Variants in AGPAT4 observed in about 807,000 individuals in gnomAD.
The protein encoded by AGPAT4 is 1-acyl-sn-glycerol-3-phosphate acyltransferase delta.
AGPAT4 carries 15 observed loss-of-function variants against 48.0 expected under a neutral mutation model. The ratio of observed to expected loss-of-function variants is 0.31; its 90% CI spans 0.21 to 0.48. The LOEUF (loss-of-function observed/expected upper bound fraction) is 0.48, where lower values mean the gene tolerates loss of function less well. Among genes scored for constraint, AGPAT4 ranks in the 20% least tolerant of loss-of-function variants. The pLI is 0.99. For missense variants in AGPAT4, 314 were observed against 482.5 expected (o/e 0.65, Z 3.27); for synonymous variants, 178 against 198.7 (o/e 0.90, Z 0.88).
In AGPAT4 at chr6:161,215,056, T is replaced by C. The variant is rs1004348594; in HGVS notation, c.178+16980A>G. ...TTTTCTTTGGTAGGACTACAAGCTA[T>C]GTTTTTTATGTGACATTTTAAATAC... On this transcript the variant is annotated intron_variant, in intron 2 of 8. Transcript: ENST00000320285. The surrounding 1 kb of genome is among the most constrained non-coding windows in gnomAD (Gnocchi z 4.5). 3.3e-5 allele frequency among the ~76,000 whole-genome samples: 5 copies of C among 152,222 alleles called. No homozygotes were observed. The highest frequency in any genetic ancestry group is 5.9e-5 in the Non-Finnish European group (4 of 68,024).
Position 161,161,455 on chromosome 6 carries a change from G to A in AGPAT4, c.348+4793C>T, listed in dbSNP as rs1390548663. On this transcript the variant is annotated intron_variant, in intron 3 of 8. Coordinates refer to ENST00000320285, the MANE Select transcript of AGPAT4 (RefSeq NM_020133.3). The surrounding 1 kb of genome is among the most constrained non-coding windows in gnomAD (Gnocchi z 4.6). ...TGAATGGTAAGAGGCAGAGGGTGGCGTCCCAGCCCATTCCTAGTGCAAGGT... is the reference window on the plus strand; with the variant it reads ...TGAATGGTAAGAGGCAGAGGGTGGCATCCCAGCCCATTCCTAGTGCAAGGT... 8 of 456,706 alleles carry A rather than the reference G, an allele frequency of 1.8e-5. No individual in the cohort carries two copies. The highest frequency in any genetic ancestry group is 1.4e-4 in the East Asian group (2 of 14,378). 28.3% of individuals were successfully genotyped at this position (456,706 alleles called of 1,614,324 possible). A position where few individuals can be genotyped will look rare whatever the true frequency, so the allele number is the denominator to read the frequency against.
Position 161,201,690 on chromosome 6 carries a change from G to C in AGPAT4, c.178+30346C>G, listed in dbSNP as rs1738167577. ...GATTCCCCACTTGTAGCAATTCCAG[G>C]GTGATGCTGAGGCTGACTTCAAAAG... On this transcript the variant is annotated intron_variant, in intron 2 of 8. Coordinates refer to ENST00000320285, the MANE Select transcript of AGPAT4 (RefSeq NM_020133.3). The surrounding 1 kb of genome is among the most constrained non-coding windows in gnomAD (Gnocchi z 6.0). 6.6e-6 allele frequency among the ~76,000 whole-genome samples: 1 copy of C among 152,182 alleles called. No homozygotes were observed. Among genetic ancestry groups the C allele is most frequent in the African/African-American group, 2.4e-5 (1 of 41,432 alleles).
chr6:161,258,046 C>A (rs1446113411), intron 1 of AGPAT4, among the ~76,000 whole-genome samples: 1 of 152,184 alleles, frequency 6.6e-6, no homozygotes. Context: ...TTACTTCCTA[C>A]GTTAAAACAC....
rs994147067 is a variant in AGPAT4, at chr6:161,264,803, A to T, written c.-90+9135T>A. Among the ~76,000 whole-genome samples the T allele has an allele frequency of 3.3e-5, 5 of 152,146 alleles. No homozygotes were observed. The highest frequency in any genetic ancestry group is 1.2e-4 in the African/African-American group (5 of 41,434). ...GAGAGCCTGAAAGCGAGAAGGGAGA[A>T]GCGAGATGGGAAGATAAAAGGGAGG... On this transcript the variant is annotated intron_variant, in intron 1 of 8. Coordinates refer to ENST00000320285, the MANE Select transcript of AGPAT4 (RefSeq NM_020133.3). This position sits in a 1 kb window ranked among gnomAD's most constrained non-coding sequence, Gnocchi z 6.8.
chr6:161,136,146 C>CT lies in AGPAT4; in HGVS notation c.*393dup. 1 of 200,354 alleles carries CT rather than the reference C, an allele frequency of 5.0e-6. No individual in the cohort carries two copies. Among genetic ancestry groups the CT allele is most frequent in the South Asian group, 1.0e-4 (1 of 9,962 alleles). The allele number at this position is 200,354 out of a possible 1,614,324, so 12.4% of individuals were successfully genotyped here. A position where few individuals can be genotyped will look rare whatever the true frequency, so the allele number is the denominator to read the frequency against. On this transcript the variant is annotated 3_prime_UTR_variant, in exon 9 of 9. Transcript: ENST00000320285. ...GTCATCTCACCTAAAGCACTTTTCA[C>CT]TTTATCTCTGGCAACCAAGGGTTAC...
rs3832412 is a variant in AGPAT4 at position 161,132,092 on chromosome 6, GC to G, written c.*4447del. ...ACTGGAACCTGGGCCTTCATTACGG[GC>G]TCCGGTTTTGGAGTGCAGAGGGATT... is the stretch of plus-strand genomic sequence containing the variant. On this transcript the variant is annotated 3_prime_UTR_variant, in exon 9 of 9. Transcript: ENST00000320285. 0.13 allele frequency: 20,046 copies of G among 152,224 alleles called. 1,614 individuals carry two copies. The highest frequency in any genetic ancestry group is 0.27 in the Admixed American group (4,056 of 15,270). 9.4% of individuals were successfully genotyped at this position (152,224 alleles called of 1,614,324 possible).
At position 161,154,319 on chromosome 6, in the gene AGPAT4, G is replaced by C; in HGVS notation, c.349-9C>G. ...GCCAGGACCTTGGAGCCCTGAAACA[G>C]AAGAAGGAGCCCAGGTGCCCATGAA... On this transcript the variant is annotated splice_polypyrimidine_tract_variant and intron_variant, in intron 3 of 8. Transcript: ENST00000320285. This position sits in a 1 kb window ranked among gnomAD's most constrained non-coding sequence, Gnocchi z 7.8. The C allele has an allele frequency of 6.2e-7, 1 of 1,614,046 alleles. No individual in the cohort carries two copies. Among genetic ancestry groups the C allele is most frequent in the South Asian group, 1.1e-5 (1 of 91,076 alleles).
In AGPAT4 at chr6:161,231,487, C is replaced by T. The variant is rs1782120266; in HGVS notation, c.178+549G>A. Among the ~76,000 whole-genome samples, 1 of 152,010 alleles carries T rather than the reference C, an allele frequency of 6.6e-6. No homozygotes were observed. Among genetic ancestry groups the T allele is most frequent in the South Asian group, 2.1e-4 (1 of 4,820 alleles). On this transcript the variant is annotated intron_variant, in intron 2 of 8. Transcript: ENST00000320285. This position sits in a 1 kb window ranked among gnomAD's most constrained non-coding sequence, Gnocchi z 5.3. ...GCTATTCCAGTGGTGCAAGATGCTA[C>T]CATAGGGAGAAACTGGCCAAGGAGT...
intron 2 of AGPAT4, among the ~76,000 whole-genome samples, chr6:161,174,487 C>A (rs1455835106): frequency 6.6e-6 from 1 of 152,136 alleles, no homozygotes; most frequent in East Asian, 1.9e-4. Flanking sequence ...GATTTCTACA[C>A]ATTGATTTTG....
rs1260397866 is a variant in AGPAT4 at position 161,166,912 on chromosome 6, C to T, written c.179-495G>A. ...AACGGCAGATCCAGCCGCAGGAGCC[C>T]CAGCACCTGCAGGGCAGCGGGAGTG... On this transcript the variant is annotated intron_variant, in intron 2 of 8. Coordinates refer to ENST00000320285, the MANE Select transcript of AGPAT4 (RefSeq NM_020133.3). The surrounding 1 kb of genome is among the most constrained non-coding windows in gnomAD (Gnocchi z 6.7). Among the ~76,000 whole-genome samples, 1 of 152,168 alleles carries T rather than the reference C, an allele frequency of 6.6e-6. No homozygotes were observed. Among genetic ancestry groups the T allele is most frequent in the Non-Finnish European group, 1.5e-5 (1 of 68,030 alleles).
At position 161,233,677 on chromosome 6, in the gene AGPAT4, C is replaced by T. The variant is rs1782190701; in HGVS notation, c.-89-1375G>A. ...ATAGGCCTTGTGTAAGATGATTTGG[C>T]CTAACTGTAGGCTAACGTAAATGTG... On this transcript the variant is annotated intron_variant, in intron 1 of 8. Transcript: ENST00000320285. This position sits in a 1 kb window ranked among gnomAD's most constrained non-coding sequence, Gnocchi z 5.4. Among the ~76,000 whole-genome samples the T allele has an allele frequency of 2.0e-5, 3 of 152,174 alleles. No homozygotes were observed. The South Asian group carries it at 6.2e-4, about 32-fold the overall frequency.
chr6:161,199,506 T>C (rs554463543), intron 2 of AGPAT4, among the ~76,000 whole-genome samples: 1 of 152,324 alleles, frequency 6.6e-6, no homozygotes, highest in South Asian at 2.1e-4. Flanking sequence ...AACAGCCCCT[T>C]GTTGATGACA....
Position 161,259,294 on chromosome 6 carries a change from G to A in AGPAT4, c.-90+14644C>T, listed in dbSNP as rs1215098922. Among the ~76,000 whole-genome samples, 1 of 151,994 alleles carries A rather than the reference G, an allele frequency of 6.6e-6. No individual in the cohort carries two copies. The highest frequency in any genetic ancestry group is 1.5e-5 in the Non-Finnish European group (1 of 68,018). On this transcript the variant is annotated intron_variant, in intron 1 of 8. Coordinates refer to ENST00000320285, the MANE Select transcript of AGPAT4 (RefSeq NM_020133.3). The surrounding 1 kb of genome is among the most constrained non-coding windows in gnomAD (Gnocchi z 4.9). ...AATGTTTAAATACACATTATTCTTA[G>A]TTATGGTCACAATGCCATGTAACAG...
At position 161,219,221 on chromosome 6, in the gene AGPAT4, A is replaced by G. The variant is rs1296806888; in HGVS notation, c.178+12815T>C. Among the ~76,000 whole-genome samples the G allele has an allele frequency of 6.6e-6, 1 of 152,156 alleles. No homozygotes were observed. Among genetic ancestry groups the G allele is most frequent in the Non-Finnish European group, 1.5e-5 (1 of 68,022 alleles). On this transcript the variant is annotated intron_variant, in intron 2 of 8. Coordinates refer to ENST00000320285, the MANE Select transcript of AGPAT4 (RefSeq NM_020133.3). This position sits in a 1 kb window ranked among gnomAD's most constrained non-coding sequence, Gnocchi z 4.9. ...TGAAACCAAAACCCATAGCTAAGGCAGTGGTCTTTCAATGTTTTTGATTCC... is the reference window on the plus strand; with the variant it reads ...TGAAACCAAAACCCATAGCTAAGGCGGTGGTCTTTCAATGTTTTTGATTCC...
In AGPAT4 at chr6:161,165,521, C is replaced by T. The variant is rs1035221323; in HGVS notation, c.348+727G>A. The T allele has an allele frequency of 2.6e-6, 3 of 1,142,492 alleles. No individual in the cohort carries two copies. The highest frequency in any genetic ancestry group is 3.3e-5 in the African/African-American group (2 of 61,384). The allele number at this position is 1,142,492 out of a possible 1,614,324, so 70.8% of individuals were successfully genotyped here. A position where few individuals can be genotyped will look rare whatever the true frequency, so the allele number is the denominator to read the frequency against. ...TAAGTTCTGGTGCAAACTCTTAGGA[C>T]CTTTCCTAGCCCCAGACCAATGTAC... On this transcript the variant is annotated intron_variant, in intron 3 of 8. Transcript: ENST00000320285. This position sits in a 1 kb window ranked among gnomAD's most constrained non-coding sequence, Gnocchi z 5.5.
In AGPAT4 at chr6:161,217,820, G is replaced by A. The variant is rs530296303; in HGVS notation, c.178+14216C>T. On this transcript the variant is annotated intron_variant, in intron 2 of 8. Coordinates refer to ENST00000320285, the MANE Select transcript of AGPAT4 (RefSeq NM_020133.3). This position sits in a 1 kb window ranked among gnomAD's most constrained non-coding sequence, Gnocchi z 4.9. ...CTGCCCAGGCCACTGCCCTGGGACA[G>A]GACTCACAGGCAGCACAGCTGGTGC... 2.0e-5 allele frequency among the ~76,000 whole-genome samples: 3 copies of A among 152,316 alleles called. No homozygotes were observed. The highest frequency in any genetic ancestry group is 2.9e-5 in the Non-Finnish European group (2 of 68,032).
At position 161,217,771 on chromosome 6, in the gene AGPAT4, A is replaced by G. The variant is rs544937749; in HGVS notation, c.178+14265T>C. On this transcript the variant is annotated intron_variant, in intron 2 of 8. Coordinates refer to ENST00000320285, the MANE Select transcript of AGPAT4 (RefSeq NM_020133.3). This position sits in a 1 kb window ranked among gnomAD's most constrained non-coding sequence, Gnocchi z 4.9. ...TGGAATTGGATCAGGGAGTCCAGCC[A>G]GAAACCTCCTCCCCTGACCCCGCCT... 6.6e-6 allele frequency among the ~76,000 whole-genome samples: 1 copy of G among 152,346 alleles called. No homozygotes were observed. The highest frequency in any genetic ancestry group is 2.1e-4 in the South Asian group (1 of 4,828).
rs1388075639 is a variant in AGPAT4 at position 161,218,259 on chromosome 6, C to T, written c.178+13777G>A. Among the ~76,000 whole-genome samples, 2 of 152,134 alleles carry T rather than the reference C, an allele frequency of 1.3e-5. No individual in the cohort carries two copies. Among genetic ancestry groups the T allele is most frequent in the African/African-American group, 4.8e-5 (2 of 41,432 alleles). ...AGGCAGTAGGTGGGAGGAAAAAAAG[C>T]CCTGATTTATAGTTCTGCCGATTTC... On this transcript the variant is annotated intron_variant, in intron 2 of 8. Transcript: ENST00000320285. The surrounding 1 kb of genome is among the most constrained non-coding windows in gnomAD (Gnocchi z 4.7).
At chr6:161,253,260 A>ATT (rs71004034) in intron 1 of AGPAT4, among the ~76,000 whole-genome samples, 42 of 143,944 alleles carry the variant, frequency 2.9e-4, no homozygotes, top group South Asian at 2.0e-3. Flanking sequence ...ACTTTTTTTA[A>ATT]TTTTTTTTTT....
Sources: allele counts gnomAD v4.1 joint callset (sites outside exome capture counted in the v4.1 genomes callset), GRCh38; gene constraint gnomAD v4.1.1; non-coding constraint Gnocchi (gnomAD v3.1); transcripts MANE v1.5; gene names NCBI Gene and HGNC (gene_info 2026-07-23, HGNC 2026-07-21).